The following VRK2 variants were observed in gnomAD, a reference collection of about 807,000 sequenced individuals.
VRK2 encodes the protein serine/threonine-protein kinase VRK2.
In VRK2, 60 loss-of-function variants were observed where a neutral mutation model predicts 57.6. The observed-to-expected ratio is 1.04, with a 90% CI of 0.85 to 1.29. The LOEUF (loss-of-function observed/expected upper bound fraction) is 1.29, where lower values mean the gene tolerates loss of function less well. Ranked by LOEUF, VRK2 falls within the 50% of genes most tolerant of loss-of-function variation. The pLI is 0.00. For synonymous variants in VRK2, 231 were observed against 199.2 expected (o/e 1.16, Z -1.35); for missense variants, 705 against 588.1 (o/e 1.20, Z -2.06).
chr2:58,083,502 A>G (rs1251601586), intron 2 of VRK2, among the ~76,000 whole-genome samples: 1 of 151,872 alleles, frequency 6.6e-6, no homozygotes, highest in East Asian at 1.9e-4. Context: ...AATTTATGAG[A>G]TATGTATTCT....
At chr2:58,112,847 T>C (rs1675777904) in intron 7 of VRK2, among the ~76,000 whole-genome samples, 1 of 152,238 alleles carries the variant, frequency 6.6e-6, no homozygotes, top group African/African-American at 2.4e-5. Context: ...AACTTCATTA[T>C]GAACACAAGT....
chr2:58,059,299 A>C (rs1266513085), intron 2 of VRK2, among the ~76,000 whole-genome samples: 1 of 152,032 alleles, frequency 6.6e-6, no homozygotes, highest in Non-Finnish European at 1.5e-5. Context: ...GCCTTTGCAA[A>C]ACTGAATACA....
chr2:58,153,800 G>C (rs768907755), intron 12 of VRK2, among the ~76,000 whole-genome samples: 27 of 151,854 alleles, frequency 1.8e-4, no homozygotes, highest in Non-Finnish European at 3.4e-4. Context: ...TCTTTTTCAC[G>C]TTTTGCAGAA....
At chr2:58,082,606 C>T (rs544203213) in intron 2 of VRK2, among the ~76,000 whole-genome samples, 2 of 150,650 alleles carry the variant, frequency 1.3e-5, no homozygotes, top group Admixed American at 1.3e-4. Context: ...ACTCTGTCCC[C>T]TGTGTATACT....
At chr2:57,977,914 G>A (rs1426936629) in intron 1 of VRK2, among the ~76,000 whole-genome samples, 1 of 151,084 alleles carries the variant, frequency 6.6e-6, no homozygotes, top group African/African-American at 2.5e-5. Flanking sequence ...TTTGTTGAGG[G>A]TATTTAACAT....
At chr2:57,945,180 T>A (rs1325477753) in intron 1 of VRK2, among the ~76,000 whole-genome samples, 2 of 152,220 alleles carry the variant, frequency 1.3e-5, no homozygotes, top group African/African-American at 4.8e-5. Context: ...AAAAGACCCA[T>A]AATTTTTAAC....
intron 7 of VRK2, among the ~76,000 whole-genome samples, chr2:58,114,182 G>A (rs1249216671): frequency 6.6e-6 from 1 of 152,194 alleles, no homozygotes. Context: ...AAAAGTCTAA[G>A]AATTGGGAGA....
intron 2 of VRK2, among the ~76,000 whole-genome samples, chr2:58,073,655 T>G (rs1669663845): frequency 6.9e-5 from 1 of 14,410 alleles, no homozygotes; most frequent in Non-Finnish European, 1.2e-4. Context: ...TATATATATT[T>G]ATATTTATAT....
At chr2:57,992,552 C>T (rs549704734) in intron 1 of VRK2, among the ~76,000 whole-genome samples, 48 of 151,544 alleles carry the variant, frequency 3.2e-4, no homozygotes, top group African/African-American at 1.2e-3. Flanking sequence ...TTTTTTGAGA[C>T]GGAGTCTCGC....
At chr2:58,121,016 T>G (rs958237428) in intron 7 of VRK2, among the ~76,000 whole-genome samples, 2 of 152,250 alleles carry the variant, frequency 1.3e-5, no homozygotes, top group African/African-American at 4.8e-5. Context: ...GTTTTTAACT[T>G]GACTGGTACT....
At chr2:58,090,539 G>C (rs559958250) in intron 7 of VRK2, among the ~76,000 whole-genome samples, 1 of 152,160 alleles carries the variant, frequency 6.6e-6, no homozygotes, top group Admixed American at 6.5e-5. Flanking sequence ...GGTCAGTACA[G>C]TACCAACTGC....
intron 1 of VRK2, among the ~76,000 whole-genome samples, chr2:57,924,478 A>G (rs1308724880): frequency 6.6e-6 from 1 of 151,902 alleles, no homozygotes; most frequent in Non-Finnish European, 1.5e-5. Flanking sequence ...ATTTGTAGCT[A>G]TTATAAATGA....
intron 10 of VRK2, among the ~76,000 whole-genome samples, chr2:58,139,186 T>C (rs767626562): frequency 6.6e-6 from 1 of 152,146 alleles, no homozygotes; most frequent in Non-Finnish European, 1.5e-5. Context: ...CAAGGTCCTT[T>C]CTAAATATAC....
intron 7 of VRK2, among the ~76,000 whole-genome samples, chr2:58,093,240 C>G (rs1176760698): frequency 3.3e-5 from 5 of 152,192 alleles, no homozygotes; most frequent in Non-Finnish European, 7.3e-5. Flanking sequence ...AATCGCCACA[C>G]CGACTTCCAC....
chr2:58,025,923 A>C (rs185861352), intron 2 of VRK2, among the ~76,000 whole-genome samples: 3 of 152,274 alleles, frequency 2.0e-5, no homozygotes, highest in Admixed American at 2.0e-4. Context: ...CTTTTCATCT[A>C]ATTTATAAGG....
At chr2:58,124,975 A>C (rs1401857129) in intron 8 of VRK2, among the ~76,000 whole-genome samples, 1 of 152,184 alleles carries the variant, frequency 6.6e-6, no homozygotes, top group East Asian at 1.9e-4. Flanking sequence ...TCTTACATTA[A>C]GAAATGAGAA....
At chr2:57,993,934 A>G (rs1258920894) in intron 1 of VRK2, among the ~76,000 whole-genome samples, 1 of 152,240 alleles carries the variant, frequency 6.6e-6, no homozygotes, top group Non-Finnish European at 1.5e-5. Flanking sequence ...GTTCTTGGTC[A>G]AAGTATGAAG....
intron 1 of VRK2, among the ~76,000 whole-genome samples, chr2:57,988,611 G>C (rs1441169781): frequency 6.6e-6 from 1 of 152,182 alleles, no homozygotes; most frequent in Non-Finnish European, 1.5e-5. Flanking sequence ...CTTTCTTCTT[G>C]AGCTGGAATA....
At position 57,924,877 on chromosome 2, in the gene VRK2, C is replaced by T. The variant is rs1458802549; in HGVS notation, c.-439+17038C>T. Among the ~76,000 whole-genome samples, 5 of 151,836 alleles carry T rather than the reference C, an allele frequency of 3.3e-5. No individual in the cohort carries two copies. In the East Asian group the frequency reaches 7.7e-4, roughly 23 times the overall value. ...GCCTTTATTATGTTAAGGTATGTTG[C>T]TTCCACCTCCAGTTTTTTTAGGGTT... is the stretch of plus-strand genomic sequence containing the variant. On this transcript the variant is annotated intron_variant, in intron 1 of 15. Transcript: ENST00000417641.
Sources: gnomAD v4.1 joint callset for allele counts (sites outside exome capture counted in the v4.1 genomes callset) on GRCh38, gnomAD v4.1.1 for gene constraint, MANE v1.5 for transcripts, NCBI Gene and HGNC (gene_info 2026-07-23, HGNC 2026-07-21) for gene names.